The following TRRAP variants were observed in gnomAD, a reference collection of about 807,000 sequenced individuals.
TRRAP encodes transformation/transcription domain associated protein.
In TRRAP, 41 loss-of-function variants were observed where a neutral mutation model predicts 438.8. The ratio of observed to expected loss-of-function variants is 0.09; its 90% CI spans 0.07 to 0.12. The LOEUF (loss-of-function observed/expected upper bound fraction) is 0.12, where lower values mean the gene tolerates loss of function less well. TRRAP is among the 10% of genes least tolerant of loss of function. The probability of loss-of-function intolerance (pLI) is 1.00; values close to 1 mark genes in which losing one functional copy is unlikely to be tolerated. For synonymous variants in TRRAP, 1,994 were observed against 1,962.9 expected, an observed-to-expected ratio of 1.02 and a Z score of -0.42; for missense variants, 3,122 against 5,055.1, an observed-to-expected ratio of 0.62 and a Z score of 11.60.
rs1793519248 is a variant in TRRAP, at chr7:98,993,478, T to G, written c.9848-60T>G. ...CTTTGGCCCATGGGTCCTGCAGCGCTCCGAGCCCTGGCGTCTGTCGGTTTT... is the reference window on the plus strand; with the variant it reads ...CTTTGGCCCATGGGTCCTGCAGCGCGCCGAGCCCTGGCGTCTGTCGGTTTT... On this transcript the variant is annotated intron_variant, in intron 65 of 72. Coordinates refer to ENST00000456197, the MANE Select transcript of TRRAP (RefSeq NM_001375524.1). 3 of 1,574,216 alleles carry G rather than the reference T, an allele frequency of 1.9e-6. No individual in the cohort carries two copies. The African/African-American group carries it at 4.0e-5, about 21-fold the overall frequency.
At chr7:99,009,099 G>A (rs1794321129) in intron 70 of TRRAP, among the ~76,000 whole-genome samples, 2 of 152,162 alleles carry the variant, frequency 1.3e-5, no homozygotes, top group Admixed American at 1.3e-4. Context: ...AGGAGTCTTG[G>A]GTGGCCCTGG....
At chr7:98,924,493 C>A (rs1168575042) in intron 21 of TRRAP, among the ~76,000 whole-genome samples, 1 of 152,126 alleles carries the variant, frequency 6.6e-6, no homozygotes, top group Non-Finnish European at 1.5e-5. Context: ...TGAGACCATC[C>A]TGGCTAACAC....
At chr7:98,965,503 C>G (rs1036307388) in intron 48 of TRRAP, among the ~76,000 whole-genome samples, 193 bp from the exon 49 acceptor site, 1 of 152,082 alleles carries the variant, frequency 6.6e-6, no homozygotes, top group African/African-American at 2.4e-5. Flanking sequence ...CATCCCTCTC[C>G]CTGCAGAGAG....
intron 67 of TRRAP, among the ~76,000 whole-genome samples, chr7:99,003,682 G>A (rs897794349): frequency 6.6e-6 from 1 of 152,242 alleles, no homozygotes; most frequent in African/African-American, 2.4e-5. Flanking sequence ...TCTCCACGCG[G>A]TGGGAGGTCC....
Position 98,970,311 on chromosome 7 carries a change from AG to A in TRRAP, c.7692+22del, listed in dbSNP as rs1792353473. 6.8e-6 allele frequency: 11 copies of A among 1,607,476 alleles called. No homozygotes were observed. Among genetic ancestry groups the A allele is most frequent in the Non-Finnish European group, 9.3e-6 (11 of 1,178,802 alleles). On this transcript the variant is annotated intron_variant, in intron 52 of 72. Transcript: ENST00000456197. ...GAGGAGGTGAGGCCCTGCACCCCAC[AG>A]GCAGAATCCCAGAGAGGAGGTGAGG...
chr7:98,911,871 C>G (rs1322665190), intron 17 of TRRAP, 151 bp from the exon 18 acceptor site: 1 of 648,584 alleles, frequency 1.5e-6, no homozygotes, highest in African/African-American at 1.8e-5. Flanking sequence ...GCTCAGTAAA[C>G]CCGTTTCATT....
intron 6 of TRRAP, among the ~76,000 whole-genome samples, chr7:98,894,436 A>G (rs1027793366): frequency 1.3e-5 from 2 of 152,190 alleles, no homozygotes; most frequent in Non-Finnish European, 2.9e-5. Flanking sequence ...TAACCTAAAT[A>G]AGTGCCTGTT....
At chr7:98,882,755 G>C (rs887159080) in intron 3 of TRRAP, among the ~76,000 whole-genome samples, 1 of 151,912 alleles carries the variant, frequency 6.6e-6, no homozygotes, top group South Asian at 2.1e-4. Flanking sequence ...TCCACCTCCC[G>C]GATTCAAGCG....
intron 53 of TRRAP, among the ~76,000 whole-genome samples, chr7:98,974,891 T>TG (rs397724607): frequency 6.6e-6 from 1 of 152,010 alleles, no homozygotes. Context: ...GATGATTTTT[T>TG]CAGGGATTTT....
intron 30 of TRRAP, among the ~76,000 whole-genome samples, chr7:98,940,340 C>T (rs1342700335): frequency 1.3e-5 from 2 of 151,948 alleles, no homozygotes; most frequent in Non-Finnish European, 2.9e-5. Context: ...AGGCACCTGC[C>T]GCCACGCCCA....
intron 62 of TRRAP, among the ~76,000 whole-genome samples, chr7:98,987,065 AC>A (rs1402087507): frequency 6.6e-6 from 1 of 152,162 alleles, no homozygotes; most frequent in Admixed American, 6.5e-5. Context: ...TGGGAGGATC[AC>A]TTGAGCCCAG....
Position 98,967,646 on chromosome 7 carries a change from C to T in TRRAP, c.7460C>T (p.Ser2487Leu), listed in dbSNP as rs1792215429. 3 of 1,613,896 alleles carry T rather than the reference C, an allele frequency of 1.9e-6. No individual in the cohort carries two copies. Among genetic ancestry groups the T allele is most frequent in the Non-Finnish European group, 2.5e-6 (3 of 1,180,032 alleles). Residue 2487 changes from serine to leucine, a missense_variant, in exon 51 of 73, where the codon TCG becomes TTG. Ser to Leu is a moderately radical substitution (Grantham distance 145). This residue lies in a region of TRRAP where 992 missense variants were observed against 1,281.2 expected (regional missense o/e 0.77). Coordinates refer to ENST00000456197, the MANE Select transcript of TRRAP (RefSeq NM_001375524.1). The part of the protein sequence containing the change: ...VYERLLYVTC[S>L]QNWEAMGNHF... ...GAGCGCTTGCTCTATGTGACCTGTT[C>T]GCAGAACTGGGAAGCCATGGGGAAC...
chr7:98,980,989 G>A (rs753850377), intron 58 of TRRAP, among the ~76,000 whole-genome samples: 1 of 152,218 alleles, frequency 6.6e-6, no homozygotes, highest in Non-Finnish European at 1.5e-5. Flanking sequence ...TGGAGGGGCT[G>A]TAGTGTGCTA....
intron 21 of TRRAP, among the ~76,000 whole-genome samples, chr7:98,922,225 A>G (rs575510104): frequency 1.2e-3 from 187 of 152,164 alleles, no homozygotes; most frequent in Non-Finnish European, 2.2e-3. Flanking sequence ...TTCCATTCTG[A>G]TGCCTGGCAG....
rs782078583 is a variant in TRRAP at position 98,908,951 on chromosome 7, C to G, written c.1339C>G (p.Arg447Gly). The change falls in exon 14 of 73, where the codon CGG becomes GGG. Residue 447 changes from arginine to glycine, a missense_variant. Arg to Gly is a moderately radical substitution (Grantham distance 125). Transcript: ENST00000456197. This position sits in a 1 kb window ranked among gnomAD's most constrained non-coding sequence, Gnocchi z 4.1. ...TGGCAATGGGAGAGACGTCCTGATG[C>G]GGATGCTGGAGGTACCAGCTCTTCT... ...ESGNGRDVLM[R>G]MLEVFVLKFH... The G allele has an allele frequency of 1.2e-6, 2 of 1,612,562 alleles. No homozygotes were observed. The highest frequency in any genetic ancestry group is 2.2e-5 in the East Asian group (1 of 44,796).
chr7:98,898,650 G>A (rs150244327), intron 8 of TRRAP, among the ~76,000 whole-genome samples: 18 of 152,024 alleles, frequency 1.2e-4, no homozygotes, highest in South Asian at 2.1e-4. Context: ...TCTGTATTTT[G>A]AGCCTGACAT....
At chr7:98,933,139 C>T in intron 26 of TRRAP, 102 bp from the exon 27 acceptor site, 6 of 1,410,282 alleles carry the variant, frequency 4.3e-6, no homozygotes, top group Non-Finnish European at 5.6e-6. Context: ...GAGAAGATAT[C>T]TGTAATAACT....
chr7:98,937,309 C>T (rs561955629), intron 29 of TRRAP, 32 bp downstream of exon 29: 66 of 1,563,578 alleles, frequency 4.2e-5, no homozygotes, highest in East Asian at 1.3e-4. Flanking sequence ...TATGCGCACG[C>T]GTGTGTGCAC....
intron 26 of TRRAP, 75 bp from the exon 27 acceptor site, chr7:98,933,166 G>A (rs1240546352): frequency 1.4e-6 from 2 of 1,472,704 alleles, no homozygotes; most frequent in African/African-American, 1.4e-5. Flanking sequence ...CTCAAACATG[G>A]TTTTCACATT....
Sources: allele counts gnomAD v4.1 joint callset (sites outside exome capture counted in the v4.1 genomes callset), GRCh38; gene constraint gnomAD v4.1.1; regional missense constraint gnomAD v4.1.1; non-coding constraint Gnocchi (gnomAD v3.1); transcripts MANE v1.5; gene names NCBI Gene and HGNC (gene_info 2026-07-23, HGNC 2026-07-21).